Variants in WDSUB1 observed in about 807,000 individuals in gnomAD.
The protein encoded by WDSUB1 is WD repeat, SAM and U-box domain-containing protein 1.
Under a neutral mutation model 53.9 loss-of-function variants are expected in WDSUB1, and 49 were observed. The ratio of observed to expected loss-of-function variants is 0.91; its 90% CI spans 0.72 to 1.15. WDSUB1 has a LOEUF of 1.15. Among genes scored for constraint, WDSUB1 ranks in the 50% most tolerant of loss-of-function variants. The pLI is 0.00. For synonymous variants in WDSUB1, 194 were observed against 200.6 expected (o/e 0.97, Z 0.28); for missense variants, 514 against 562.0 (o/e 0.91, Z 0.86).
At chr2:159,237,587 A>G (rs1310122134) in intron 10 of WDSUB1, among the ~76,000 whole-genome samples, 1 of 152,142 alleles carries the variant, frequency 6.6e-6, no homozygotes, top group East Asian at 1.9e-4. Flanking sequence ...ACCCTGTCCA[A>G]TCCTTGTTAC....
chr2:159,251,041 C>T (rs2060939803), intron 9 of WDSUB1, among the ~76,000 whole-genome samples: 1 of 151,904 alleles, frequency 6.6e-6, no homozygotes, highest in South Asian at 2.1e-4. Context: ...GGTGGGAGCA[C>T]TGCTTAAGAC....
At chr2:159,239,032 C>T (rs1245055103) in intron 10 of WDSUB1, among the ~76,000 whole-genome samples, 1 of 152,098 alleles carries the variant, frequency 6.6e-6, no homozygotes, top group Non-Finnish European at 1.5e-5. Context: ...GATAGGGTCT[C>T]ACTCTGTCAC....
intron 9 of WDSUB1, among the ~76,000 whole-genome samples, chr2:159,254,452 T>C (rs2061017379): frequency 6.6e-6 from 1 of 152,012 alleles, no homozygotes; most frequent in Admixed American, 6.6e-5. Flanking sequence ...TTCCAGCTAC[T>C]CACGAGGCCG....
intron 10 of WDSUB1, among the ~76,000 whole-genome samples, chr2:159,244,490 G>A (rs1302392533): frequency 6.6e-6 from 1 of 152,168 alleles, no homozygotes; most frequent in Non-Finnish European, 1.5e-5. Context: ...GACAGGATGT[G>A]TGGTGTGTAG....
chr2:159,269,423 T>C (rs1448169599), intron 5 of WDSUB1, among the ~76,000 whole-genome samples: 1 of 152,068 alleles, frequency 6.6e-6, no homozygotes, highest in East Asian at 1.9e-4. Context: ...GGCCTGCCTC[T>C]GCCTCCCAAA....
chr2:159,241,144 G>A (rs969318137), intron 10 of WDSUB1, among the ~76,000 whole-genome samples: 5 of 152,174 alleles, frequency 3.3e-5, no homozygotes, highest in African/African-American at 1.2e-4. Flanking sequence ...GGGCAGATCA[G>A]GTTTAGGAGG....
Position 159,235,882 on chromosome 2 carries a change from T to TA in WDSUB1, c.*150dup. 1.5e-6 allele frequency: 1 copy of TA among 680,102 alleles called. No homozygotes were observed. The highest frequency in any genetic ancestry group is 3.1e-5 in the East Asian group (1 of 32,024). The allele number at this position is 680,102 out of a possible 1,614,324, so 42.1% of individuals were successfully genotyped here. The stretch of plus-strand genomic sequence containing the variant: ...TTTTATAGTAAGTCCATGTGTTTTT[T>TA]AAAGAATGAAAATTGACAATTTTTA... On this transcript the variant is annotated 3_prime_UTR_variant, in exon 11 of 11. Transcript: ENST00000359774.
intron 10 of WDSUB1, among the ~76,000 whole-genome samples, chr2:159,242,843 T>G (rs1348619685): frequency 6.8e-6 from 1 of 147,766 alleles, no homozygotes. Context: ...AAAGTATGAA[T>G]AAAAATGAGG....
At chr2:159,269,165 ATTTTTTT>A (rs11324784) in intron 5 of WDSUB1, among the ~76,000 whole-genome samples, 4 of 108,318 alleles carry the variant, frequency 3.7e-5, no homozygotes, top group African/African-American at 6.6e-5. Context: ...CTTTCCACAG[ATTTTTTT>A]TTTTTTTTTT....
chr2:159,273,713 C>T (rs2061486604), intron 4 of WDSUB1, among the ~76,000 whole-genome samples: 1 of 152,182 alleles, frequency 6.6e-6, no homozygotes, highest in Admixed American at 6.5e-5. Context: ...AGCCACCACG[C>T]CCAGCCTTAT....
chr2:159,255,157 C>G (rs2061034595), intron 9 of WDSUB1, among the ~76,000 whole-genome samples: 1 of 151,772 alleles, frequency 6.6e-6, no homozygotes, highest in Admixed American at 6.6e-5. Flanking sequence ...CACCCCCACA[C>G]AAAAAGAGAT....
Position 159,271,726 on chromosome 2 carries a change from TG to T in WDSUB1, c.745del (p.His249MetfsTer6), listed in dbSNP as rs1558869147. 2 of 1,614,106 alleles carry T rather than the reference TG, an allele frequency of 1.2e-6. No homozygotes were observed. Among genetic ancestry groups the T allele is most frequent in the Admixed American group, 3.3e-5 (2 of 60,016 alleles). ...CCCTGAGACTAGCATCTGCCCATCA[TG>T]GGAAAAAGCACAAGCCAGAACAGGA... The part of the protein sequence containing the change: ...CAPVLACAFS[H>X]DGQMLVSGSV... On this transcript the variant is annotated frameshift_variant, in exon 5 of 11. Coordinates refer to ENST00000359774, the MANE Select transcript of WDSUB1 (RefSeq NM_001128212.3). LOFTEE classifies it high-confidence loss of function.
At chr2:159,247,947 TTTGGA>T (rs1327909487) in intron 10 of WDSUB1, among the ~76,000 whole-genome samples, 7 of 82,398 alleles carry the variant, frequency 8.5e-5, no homozygotes, top group Non-Finnish European at 1.5e-4. Flanking sequence ...ATATATAAAA[TTTGGA>T]TTCACTGATT....
chr2:159,254,759 G>T (rs1320389808), intron 9 of WDSUB1, among the ~76,000 whole-genome samples: 2 of 152,166 alleles, frequency 1.3e-5, no homozygotes, highest in African/African-American at 4.8e-5. Flanking sequence ...TGCTAAATTT[G>T]TGAGTTTTTT....
At chr2:159,261,844 A>T (rs2061195005) in intron 5 of WDSUB1, among the ~76,000 whole-genome samples, 1 of 96,836 alleles carries the variant, frequency 1.0e-5, no homozygotes, top group Non-Finnish European at 2.0e-5. Context: ...GTCAACTGAA[A>T]CTCATATATA....
chr2:159,251,832 G>T (rs1356658918), intron 9 of WDSUB1, among the ~76,000 whole-genome samples: 4 of 152,186 alleles, frequency 2.6e-5, no homozygotes, highest in African/African-American at 7.2e-5. Context: ...AACCTCTGAC[G>T]AAACAGAAGG....
intron 9 of WDSUB1, among the ~76,000 whole-genome samples, chr2:159,254,937 C>A (rs1342850515): frequency 6.6e-6 from 1 of 152,104 alleles, no homozygotes; most frequent in Non-Finnish European, 1.5e-5. Context: ...TTAAGACCAG[C>A]CTGGGCAATA....
chr2:159,277,892 G>T (rs1346688705), intron 3 of WDSUB1, among the ~76,000 whole-genome samples: 1 of 152,114 alleles, frequency 6.6e-6, no homozygotes, highest in East Asian at 1.9e-4. Context: ...TATACCGAGA[G>T]AAGTGTATAA....
At chr2:159,245,265 G>A (rs2060767244) in intron 10 of WDSUB1, among the ~76,000 whole-genome samples, 1 of 152,120 alleles carries the variant, frequency 6.6e-6, no homozygotes, top group Non-Finnish European at 1.5e-5. Context: ...CGTGGCTCAT[G>A]CTTGTAATAC....
Sources: gnomAD v4.1 joint callset for allele counts (sites outside exome capture counted in the v4.1 genomes callset) on GRCh38, gnomAD v4.1.1 for gene constraint, MANE v1.5 for transcripts, NCBI Gene and HGNC (gene_info 2026-07-23, HGNC 2026-07-21) for gene names.